PPP4R4: variants seen among roughly 807,000 people sequenced by gnomAD.
PPP4R4 encodes the protein protein phosphatase 4 regulatory subunit 4, also known as serine/threonine-protein phosphatase 4 regulatory subunit 4.
A neutral mutation model predicts 121.8 loss-of-function variants in PPP4R4; 70 were observed. The ratio of observed to expected loss-of-function variants is 0.57; its 90% confidence interval spans 0.47 to 0.70. The LOEUF is 0.70. Among genes scored for constraint, PPP4R4 ranks in the 30% least tolerant of loss-of-function variants. The probability of loss-of-function intolerance (pLI) is 0.00; values close to 1 mark genes in which losing one functional copy is unlikely to be tolerated. For missense variants in PPP4R4, 875 were observed against 1,033.6 expected (o/e 0.85, Z 2.10); for synonymous variants, 348 against 355.7 (o/e 0.98, Z 0.24).
chr14:94,272,359 G>T (rs28852794), intron 23 of PPP4R4, among the ~76,000 whole-genome samples: 1,967 of 152,264 alleles, frequency 0.013, 41 homozygotes, highest in African/African-American at 0.045. Context: ...ACCCACGTAA[G>T]TGTAGTCACA....
rs143566515 is a variant in PPP4R4 at position 94,245,605 on chromosome 14, G to A, written c.1363G>A (p.Asp455Asn). 1.3e-6 allele frequency: 2 copies of A among 1,591,396 alleles called. No homozygotes were observed. The highest frequency in any genetic ancestry group is 1.7e-6 in the Non-Finnish European group (2 of 1,161,746). Reference sequence around the variant, plus strand: ...TTAAAAGGTACTAGATGCTCTTATAGATCATCTTCCAGAAATCTTGGAACT... The same window carrying A: ...TTAAAAGGTACTAGATGCTCTTATAAATCATCTTCCAGAAATCTTGGAACT... ...ESLEVLDALI[D>N]HLPEILELMS... is the part of the protein sequence containing the mutation. The change falls in exon 13 of 25, where the codon GAT (aspartate) becomes AAT (asparagine). Residue 455 changes from aspartate (D) to asparagine (N), a missense_variant. Transcript: ENST00000304338.
Position 94,259,334 on chromosome 14 carries a change from GAGAA to G in PPP4R4, c.2100_2103del (p.Arg701LysfsTer11), listed in dbSNP as rs757259613. 6 of 1,611,054 alleles carry G rather than the reference GAGAA, an allele frequency of 3.7e-6. No individual in the cohort carries two copies. The highest frequency in any genetic ancestry group is 2.7e-5 in the African/African-American group (2 of 74,764). On this transcript the variant is annotated frameshift_variant, in exon 19 of 25. Coordinates refer to ENST00000304338, the MANE Select transcript of PPP4R4 (RefSeq NM_058237.2). LOFTEE classifies it high-confidence loss of function. ...TTATGAGAAAGATTTGTTGGATCAA[GAGAA>G]AGAAAGAGAAGAACTACTTCTTTTG...
intron 1 of PPP4R4, chr14:94,175,435 T>G (rs1238181119): frequency 1.3e-5 from 2 of 152,248 alleles, no homozygotes; most frequent in Non-Finnish European, 2.9e-5. Flanking sequence ...CGCAGAGTCA[T>G]CTTCCTCCCG....
chr14:94,182,709 T>A (rs1324337782), intron 2 of PPP4R4, among the ~76,000 whole-genome samples: 1 of 152,246 alleles, frequency 6.6e-6, no homozygotes, highest in African/African-American at 2.4e-5. Flanking sequence ...TTGGGGCTTT[T>A]ATGAATAATG....
At chr14:94,261,568 CTTTT>C (rs1237546317) in intron 19 of PPP4R4, among the ~76,000 whole-genome samples, 2 of 151,792 alleles carry the variant, frequency 1.3e-5, no homozygotes, top group African/African-American at 4.8e-5. Flanking sequence ...TTGTTTCTTT[CTTTT>C]GTCTTATTGC....
chr14:94,251,862 A>G lies in PPP4R4; in HGVS notation c.1831A>G (p.Ile611Val), dbSNP rs149632583. Reference sequence around the variant, plus strand: ...CTGTAAATATTTCTTTCTACCTGCTATTGAACTGACACATGATCCAGTAGC... The same window carrying G: ...CTGTAAATATTTCTTTCTACCTGCTGTTGAACTGACACATGATCCAGTAGC... The part of the protein sequence containing the change: ...FFCKYFFLPA[I>V]ELTHDPVANV... Residue 611 changes from isoleucine to valine, a missense_variant, in exon 16 of 25, where the codon ATT becomes GTT. By Grantham distance (29) the Ile-to-Val change is conservative. Coordinates refer to ENST00000304338, the MANE Select transcript of PPP4R4 (RefSeq NM_058237.2). 13 of 1,595,250 alleles carry G rather than the reference A, an allele frequency of 8.1e-6. No homozygotes were observed. Among genetic ancestry groups the G allele is most frequent in the African/African-American group, 5.4e-5 (4 of 74,088 alleles).
intron 2 of PPP4R4, among the ~76,000 whole-genome samples, chr14:94,199,799 C>T (rs930934322): frequency 1.1e-4 from 17 of 152,170 alleles, no homozygotes; most frequent in Non-Finnish European, 1.9e-4. Context: ...TATGCGGATG[C>T]GCTCCTCTTG....
intron 16 of PPP4R4, among the ~76,000 whole-genome samples, chr14:94,253,317 G>A (rs1189961919): frequency 2.6e-5 from 4 of 152,102 alleles, no homozygotes; most frequent in South Asian, 2.1e-4. Context: ...AAAATGAGCC[G>A]GTCGTGGTGG....
chr14:94,275,492 TA>T lies in PPP4R4; in HGVS notation c.2571del (p.Asp858IlefsTer9), dbSNP rs1387956988. Reference protein sequence around the residue: ...NSVDPKSSGSKDTQPRKATLK... With the variant: ...NSVDPKSSGSXDTQPRKATLK... ...CAGTTGACCCCAAGAGCAGTGGAAG[TA>T]AAGATACACAACCACGGAAGGCTAC... On this transcript the variant is annotated frameshift_variant, in exon 24 of 25. Coordinates refer to ENST00000304338, the MANE Select transcript of PPP4R4 (RefSeq NM_058237.2). LOFTEE classifies it high-confidence loss of function. 1.2e-6 allele frequency: 2 copies of T among 1,613,952 alleles called. No homozygotes were observed. Among genetic ancestry groups the T allele is most frequent in the Non-Finnish European group, 1.7e-6 (2 of 1,179,966 alleles).
intron 8 of PPP4R4, 78 bp downstream of exon 8, chr14:94,237,764 G>A (rs1892419923): frequency 6.7e-6 from 10 of 1,492,360 alleles, no homozygotes; most frequent in Middle Eastern, 4.7e-4. Flanking sequence ...AGGAATAAAA[G>A]TAGATTTAGA....
chr14:94,251,643 ATTGTGGG>A (rs1401622606), intron 15 of PPP4R4, 99 bp from the exon 16 acceptor site: 2 of 855,594 alleles, frequency 2.3e-6, no homozygotes, highest in African/African-American at 3.5e-5. Flanking sequence ...TGCTAGCCAA[ATTGTGGG>A]TATGAAGAAA....
Position 94,241,969 on chromosome 14 carries a change from G to A in PPP4R4, c.1146+12G>A, listed in dbSNP as rs1326616736. On this transcript the variant is annotated intron_variant, in intron 10 of 24. Coordinates refer to ENST00000304338, the MANE Select transcript of PPP4R4 (RefSeq NM_058237.2). ...CTTATAACTTTCCGGTAATAAATAT[G>A]TATTTATATTTACTGAGGATTTTTA... 2.6e-6 allele frequency: 4 copies of A among 1,555,832 alleles called. No individual in the cohort carries two copies. The highest frequency in any genetic ancestry group is 3.5e-6 in the Non-Finnish European group (4 of 1,145,454).
At chr14:94,186,492 T>C (rs1176791056) in intron 2 of PPP4R4, among the ~76,000 whole-genome samples, 2 of 152,244 alleles carry the variant, frequency 1.3e-5, no homozygotes, top group Non-Finnish European at 2.9e-5. Context: ...ATCTTGTTTA[T>C]CCATTCATCA....
chr14:94,276,154 C>T (rs1894628928), intron 24 of PPP4R4, among the ~76,000 whole-genome samples: 1 of 152,146 alleles, frequency 6.6e-6, no homozygotes, highest in African/African-American at 2.4e-5. Context: ...AATGATTCAG[C>T]CAGGATACCC....
At chr14:94,207,431 A>G (rs1347154159) in intron 2 of PPP4R4, among the ~76,000 whole-genome samples, 1 of 152,038 alleles carries the variant, frequency 6.6e-6, no homozygotes, top group Non-Finnish European at 1.5e-5. Context: ...GGGCAGCTTC[A>G]TTTAGAATCA....
At chr14:94,256,754 A>G (rs1893494322) in intron 17 of PPP4R4, 150 bp downstream of exon 17, 1 of 929,220 alleles carries the variant, frequency 1.1e-6, no homozygotes, top group African/African-American at 1.7e-5. Flanking sequence ...TTTGGTTGAT[A>G]TGTGCTACAA....
At chr14:94,177,013 G>C (rs533662716) in intron 2 of PPP4R4, among the ~76,000 whole-genome samples, 3 of 150,694 alleles carry the variant, frequency 2.0e-5, no homozygotes, top group Non-Finnish European at 3.0e-5. Flanking sequence ...CAAGTTTCTC[G>C]TTCTCCTTTC....
intron 16 of PPP4R4, among the ~76,000 whole-genome samples, chr14:94,256,034 C>G (rs1475820752): frequency 1.3e-5 from 2 of 152,150 alleles, no homozygotes; most frequent in African/African-American, 4.8e-5. Context: ...TAGCTCATTC[C>G]CTAATTTTCT....
At chr14:94,240,192 A>G (rs1429700167) in intron 8 of PPP4R4, among the ~76,000 whole-genome samples, 2 of 152,234 alleles carry the variant, frequency 1.3e-5, no homozygotes, top group Non-Finnish European at 2.9e-5. Flanking sequence ...AGTAAAAGTG[A>G]TGAAATTCAA....
Sources: allele counts gnomAD v4.1 joint callset (sites outside exome capture counted in the v4.1 genomes callset), GRCh38; gene constraint gnomAD v4.1.1; transcripts MANE v1.5; gene names NCBI Gene and HGNC (gene_info 2026-07-23, HGNC 2026-07-21).